The following CADM2 variants were observed in gnomAD, a reference collection of about 807,000 sequenced individuals.
CADM2 encodes the protein cell adhesion molecule 2.
Under a neutral mutation model 49.8 loss-of-function variants are expected in CADM2, and 12 were observed. The observed-to-expected ratio is 0.24, with a 90% CI of 0.15 to 0.39. CADM2 has a LOEUF of 0.39. CADM2 is among the 10% of genes least tolerant of loss of function. The probability of loss-of-function intolerance (pLI) is 1.00; values close to 1 mark genes in which losing one functional copy is unlikely to be tolerated. For missense variants in CADM2, 378 were observed against 492.3 expected, an observed-to-expected ratio of 0.77 and a Z score of 2.20; for synonymous variants, 214 against 175.4, an observed-to-expected ratio of 1.22 and a Z score of -1.74.
At position 85,145,857 on chromosome 3, in the gene CADM2, T is replaced by A. The variant is rs1011463203; in HGVS notation, c.61+186189T>A. On this transcript the variant is annotated intron_variant, in intron 1 of 9. Coordinates refer to ENST00000383699, the MANE Select transcript of CADM2 (RefSeq NM_001167675.2). Reference sequence around the variant, plus strand: ...GAACATATAAGTTATTTCCCCATGATCCACCTGATCCATTAAGTTTGATGT... The same window carrying A: ...GAACATATAAGTTATTTCCCCATGAACCACCTGATCCATTAAGTTTGATGT... Among the ~76,000 whole-genome samples the A allele has an allele frequency of 2.6e-5, 4 of 152,286 alleles. No individual in the cohort carries two copies. The East Asian group carries it at 7.7e-4, about 29-fold the overall frequency.
At chr3:85,051,436 C>T (rs2035877232) in intron 1 of CADM2, among the ~76,000 whole-genome samples, 1 of 152,092 alleles carries the variant, frequency 6.6e-6, no homozygotes, top group Non-Finnish European at 1.5e-5. Flanking sequence ...TTGAAACGAT[C>T]ACTGGAGATA....
chr3:85,343,098 G>A (rs191636717), intron 1 of CADM2, among the ~76,000 whole-genome samples: 31 of 152,262 alleles, frequency 2.0e-4, no homozygotes, highest in African/African-American at 7.5e-4. Flanking sequence ...TTGTCACGCT[G>A]AAAATGGTAA....
At chr3:85,082,015 CTATTT>C (rs1358878805) in intron 1 of CADM2, among the ~76,000 whole-genome samples, 3 of 152,034 alleles carry the variant, frequency 2.0e-5, no homozygotes, top group Admixed American at 2.0e-4. Flanking sequence ...ACAAACCATT[CTATTT>C]TATTTGGGGC....
At chr3:85,325,288 C>A (rs1405747527) in intron 1 of CADM2, among the ~76,000 whole-genome samples, 1 of 152,156 alleles carries the variant, frequency 6.6e-6, no homozygotes, top group Non-Finnish European at 1.5e-5. Flanking sequence ...AAACATTACT[C>A]CTGACATGTA....
chr3:85,515,467 AG>A (rs1339780785), intron 1 of CADM2, among the ~76,000 whole-genome samples: 2 of 146,100 alleles, frequency 1.4e-5, no homozygotes, highest in Non-Finnish European at 3.0e-5. Flanking sequence ...TCTGTTGCCC[AG>A]GCTGGATTGC....
chr3:85,875,239 C>A (rs1048162258), intron 3 of CADM2, among the ~76,000 whole-genome samples: 1 of 151,992 alleles, frequency 6.6e-6, no homozygotes, highest in Non-Finnish European at 1.5e-5. Context: ...TAATACAAAT[C>A]TTATTTTTTT....
At chr3:85,136,709 G>A (rs1216859674) in intron 1 of CADM2, among the ~76,000 whole-genome samples, 1 of 151,830 alleles carries the variant, frequency 6.6e-6, no homozygotes, top group Non-Finnish European at 1.5e-5. Context: ...AGAACTTCAA[G>A]AAAATAAGTC....
chr3:85,143,254 A>G (rs2039631915), intron 1 of CADM2, among the ~76,000 whole-genome samples: 1 of 152,176 alleles, frequency 6.6e-6, no homozygotes, highest in South Asian at 2.1e-4. Context: ...GGGCCAAGAC[A>G]GAAGGATTGC....
chr3:85,171,655 T>C (rs922441036), intron 1 of CADM2, among the ~76,000 whole-genome samples: 1 of 152,164 alleles, frequency 6.6e-6, no homozygotes, highest in Non-Finnish European at 1.5e-5. Context: ...TTATTTGTTC[T>C]TTGGCAACCC....
At position 85,461,667 on chromosome 3, in the gene CADM2, C is replaced by A. The variant is rs116029313; in HGVS notation, c.62-264855C>A. ...GCCTTTCAGCTGGGCTTTATGATAA[C>A]CTTTCATTTTTAACTCCTAACCTAT... On this transcript the variant is annotated intron_variant, in intron 1 of 9. Transcript: ENST00000383699. Among the ~76,000 whole-genome samples the A allele has an allele frequency of 6.6e-5, 10 of 151,056 alleles. No individual in the cohort carries two copies. In the South Asian group the frequency reaches 1.0e-3, roughly 16 times the overall value.
intron 1 of CADM2, among the ~76,000 whole-genome samples, chr3:85,701,908 G>C (rs2066773230): frequency 7.7e-6 from 1 of 129,454 alleles, no homozygotes; most frequent in African/African-American, 2.9e-5. Flanking sequence ...TAGATAGATA[G>C]ATATAAAGAA....
At chr3:85,547,542 A>G (rs768475712) in intron 1 of CADM2, among the ~76,000 whole-genome samples, 3 of 152,174 alleles carry the variant, frequency 2.0e-5, no homozygotes, top group Non-Finnish European at 4.4e-5. Flanking sequence ...TCTGCTGTCA[A>G]CTACAAAACT....
In CADM2 at chr3:85,772,798, C is replaced by CT. The variant is rs67332260; in HGVS notation, c.89-29237dup. On this transcript the variant is annotated intron_variant, in intron 2 of 9. Coordinates refer to ENST00000383699, the MANE Select transcript of CADM2 (RefSeq NM_001167675.2). ...CAGTCTAGAACAGAAGCTATGTTTT[C>CT]TTTTTTTTTTTTCCCTCACAGCTGC... Among the ~76,000 whole-genome samples, 592 of 143,552 alleles carry CT rather than the reference C, an allele frequency of 4.1e-3. 1 individual carries two copies. Among genetic ancestry groups the CT allele is most frequent in the African/African-American group, 0.012 (473 of 39,308 alleles). 94.2% of individuals were successfully genotyped at this position (143,552 alleles called of 152,430 possible). A position where few individuals can be genotyped will look rare whatever the true frequency, so the allele number is the denominator to read the frequency against.
intron 8 of CADM2, among the ~76,000 whole-genome samples, chr3:86,021,753 T>G (rs931465722): frequency 6.6e-6 from 1 of 152,204 alleles, no homozygotes; most frequent in African/African-American, 2.4e-5. Context: ...ATGATCTCAC[T>G]TCTATGTGGA....
At position 85,395,849 on chromosome 3, in the gene CADM2, T is replaced by C. The variant is rs1447541303; in HGVS notation, c.62-330673T>C. 9.9e-5 allele frequency among the ~76,000 whole-genome samples: 15 copies of C among 151,440 alleles called. No individual in the cohort carries two copies. In the South Asian group the frequency reaches 3.1e-3, roughly 31 times the overall value. ...CAAGATTGGATGTTGTATGCAACTTTAAAAATCACACCCATGTTTTAATTA... is the reference window on the plus strand; with the variant it reads ...CAAGATTGGATGTTGTATGCAACTTCAAAAATCACACCCATGTTTTAATTA... On this transcript the variant is annotated intron_variant, in intron 1 of 9. Coordinates refer to ENST00000383699, the MANE Select transcript of CADM2 (RefSeq NM_001167675.2).
chr3:85,192,465 C>T (rs2107727594), intron 1 of CADM2, among the ~76,000 whole-genome samples: 1 of 152,092 alleles, frequency 6.6e-6, no homozygotes, highest in Non-Finnish European at 1.5e-5. Context: ...GCTTACTGAA[C>T]ACCTGCCATG....
intron 1 of CADM2, among the ~76,000 whole-genome samples, chr3:85,224,859 T>A (rs1356900207): frequency 3.3e-5 from 5 of 152,102 alleles, no homozygotes; most frequent in Non-Finnish European, 5.9e-5. Context: ...TAAATAGGGA[T>A]CGTTTCCCCA....
intron 1 of CADM2, among the ~76,000 whole-genome samples, chr3:85,113,669 CT>C (rs5850668): frequency 3.4e-5 from 5 of 147,012 alleles, no homozygotes; most frequent in South Asian, 2.1e-4. Flanking sequence ...ATATTTATTG[CT>C]TTTTTTTATT....
Position 85,320,593 on chromosome 3 carries a change from G to T in CADM2, c.61+360925G>T, listed in dbSNP as rs1415881780. Among the ~76,000 whole-genome samples the T allele has an allele frequency of 2.0e-5, 3 of 152,032 alleles. No homozygotes were observed. The East Asian group carries it at 5.8e-4, about 29-fold the overall frequency. On this transcript the variant is annotated intron_variant, in intron 1 of 9. Transcript: ENST00000383699. ...CAACAGGCCAACAGACTTTCACTTT[G>T]CTCTCTCCAATTTCAGAATTCTATA...
Sources: gnomAD v4.1 joint callset for allele counts (sites outside exome capture counted in the v4.1 genomes callset) on GRCh38, gnomAD v4.1.1 for gene constraint, MANE v1.5 for transcripts, NCBI Gene and HGNC (gene_info 2026-07-23, HGNC 2026-07-21) for gene names.